The following KITLG variants were observed in gnomAD, a reference collection of about 807,000 sequenced individuals.
KITLG encodes the protein c-Kit ligand.
Under a neutral mutation model 34.1 loss-of-function variants are expected in KITLG, and 13 were observed. The observed-to-expected ratio is 0.38, with a 90% CI of 0.25 to 0.61. The LOEUF is 0.61. KITLG is among the 20% of genes least tolerant of loss of function. KITLG has a pLI of 0.60. For synonymous variants in KITLG, 110 were observed against 104.0 expected (o/e 1.06, Z -0.35); for missense variants, 292 against 318.9 (o/e 0.92, Z 0.64).
chr12:88,526,055 T>C (rs887570414), intron 3 of KITLG, among the ~76,000 whole-genome samples: 1 of 152,180 alleles, frequency 6.6e-6, no homozygotes, highest in African/African-American at 2.4e-5. Context: ...GAGGCAGTGA[T>C]GCATGTGGCT....
intron 1 of KITLG, among the ~76,000 whole-genome samples, chr12:88,557,745 A>C (rs985176568): frequency 9.9e-5 from 15 of 152,156 alleles, no homozygotes; most frequent in African/African-American, 3.6e-4. Context: ...AAGTATGGAA[A>C]CATAATTTTA....
Position 88,494,515 on chromosome 12 carries a change from T to G in KITLG, c.*2704A>C, listed in dbSNP as rs1261071410. Reference sequence around the variant, plus strand: ...ATACTTTTTAAGAGAATAGGCTACTTGTTCTATTATTGTATTGAAGAAAAA... The same window carrying G: ...ATACTTTTTAAGAGAATAGGCTACTGGTTCTATTATTGTATTGAAGAAAAA... On this transcript the variant is annotated 3_prime_UTR_variant, in exon 10 of 10. Transcript: ENST00000644744. 6.6e-6 allele frequency: 1 copy of G among 152,480 alleles called. No individual in the cohort carries two copies. The highest frequency in any genetic ancestry group is 1.5e-5 in the Non-Finnish European group (1 of 67,928). The allele number at this position is 152,480 out of a possible 1,614,324, so 9.4% of individuals were successfully genotyped here. A position where few individuals can be genotyped will look rare whatever the true frequency, so the allele number is the denominator to read the frequency against.
chr12:88,503,563 G>A (rs1868943717), intron 9 of KITLG, among the ~76,000 whole-genome samples: 1 of 152,194 alleles, frequency 6.6e-6, no homozygotes, highest in Non-Finnish European at 1.5e-5. Context: ...CCAATTAGCA[G>A]AAGCAAAAGT....
In KITLG at chr12:88,545,792, C is replaced by T; in HGVS notation, c.89G>A (p.Arg30Lys). ...NPLVKTEGIC[R>K]NRVTNNVKDV... is the part of the protein sequence containing the mutation. ...TTTTACATTATTAGTCACACGATTC[C>T]TGCAGATCCCTTCAGTTTTGACGAG... is the stretch of plus-strand genomic sequence containing the variant. Residue 30 changes from arginine (R) to lysine (K), a missense_variant, in exon 2 of 10, where the codon AGG becomes AAG. By Grantham distance (26) the Arg-to-Lys change is conservative. Coordinates refer to ENST00000644744, the MANE Select transcript of KITLG (RefSeq NM_000899.5). 6.2e-7 allele frequency: 1 copy of T among 1,611,368 alleles called. No individual in the cohort carries two copies. Among genetic ancestry groups the T allele is most frequent in the Non-Finnish European group, 8.5e-7 (1 of 1,177,620 alleles).
Position 88,507,092 on chromosome 12 carries a change from G to C in KITLG, c.650C>G (p.Ala217Gly), listed in dbSNP as rs776058708. The C allele has an allele frequency of 1.9e-6, 3 of 1,613,742 alleles. No homozygotes were observed. ...AGAAAACAATGCTGGCAATGCCATG[G>C]CTGCCCAGTGTAGGCTGGAGTCTCC... Reference protein sequence around the residue: ...PPGDSSLHWAAMALPALFSLI... With the variant: ...PPGDSSLHWAGMALPALFSLI... Residue 217 changes from alanine to glycine, a missense_variant, in exon 7 of 10, where the codon GCC becomes GGC. Ala to Gly is a moderately conservative substitution (Grantham distance 60). Around this residue, in one of 2 missense-constraint regions of KITLG, gnomAD observed 140 missense variants for 111.0 expected, o/e 1.26. Transcript: ENST00000644744.
intron 8 of KITLG, 90 bp from the exon 9 acceptor site, chr12:88,505,325 C>A: frequency 9.9e-7 from 1 of 1,007,772 alleles, no homozygotes; most frequent in South Asian, 1.3e-5. Context: ...GGCAGCTTTT[C>A]TGTAAATATA....
intron 2 of KITLG, among the ~76,000 whole-genome samples, chr12:88,533,393 A>T (rs1436175115): frequency 1.3e-5 from 2 of 152,182 alleles, no homozygotes; most frequent in Admixed American, 6.6e-5. Flanking sequence ...TGCCAAACAC[A>T]TTATAAACAC....
intron 2 of KITLG, among the ~76,000 whole-genome samples, 179 bp from the exon 3 acceptor site, chr12:88,532,682 T>A (rs1870143419): frequency 6.6e-6 from 1 of 152,104 alleles, no homozygotes; most frequent in Non-Finnish European, 1.5e-5. Context: ...TCAAAAGGCA[T>A]CCTTCAAAAT....
At chr12:88,540,922 A>C (rs1870497282) in intron 2 of KITLG, among the ~76,000 whole-genome samples, 1 of 152,158 alleles carries the variant, frequency 6.6e-6, no homozygotes, top group Non-Finnish European at 1.5e-5. Flanking sequence ...ACTATCTTTC[A>C]AACTATTATT....
intron 1 of KITLG, among the ~76,000 whole-genome samples, chr12:88,546,264 G>T (rs1347256389): frequency 6.6e-6 from 1 of 152,102 alleles, no homozygotes; most frequent in Non-Finnish European, 1.5e-5. Context: ...AGACTGCTTG[G>T]CAAGAAGCAG....
chr12:88,573,241 A>G (rs1191021667), intron 1 of KITLG, among the ~76,000 whole-genome samples: 1 of 152,174 alleles, frequency 6.6e-6, no homozygotes, highest in African/African-American at 2.4e-5. Flanking sequence ...GATATGGATA[A>G]CACATCCAGG....
Position 88,516,326 on chromosome 12 carries a change from T to G in KITLG, c.520+8A>C, listed in dbSNP as rs773753674. On this transcript the variant is annotated splice_region_variant and intron_variant, in intron 5 of 9. Coordinates refer to ENST00000644744, the MANE Select transcript of KITLG (RefSeq NM_000899.5). Reference sequence around the variant, plus strand: ...TACATTTGAACTGGAAATGCTTACATGTCTTACCTTTCTCAGGACTTAATG... The same window carrying G: ...TACATTTGAACTGGAAATGCTTACAGGTCTTACCTTTCTCAGGACTTAATG... 1.2e-6 allele frequency: 2 copies of G among 1,608,352 alleles called. No homozygotes were observed. The highest frequency in any genetic ancestry group is 1.7e-4 in the Middle Eastern group (1 of 5,912).
rs1441613683 is a variant in KITLG at position 88,495,927 on chromosome 12, T to C, written c.*1292A>G. On this transcript the variant is annotated 3_prime_UTR_variant, in exon 10 of 10. Coordinates refer to ENST00000644744, the MANE Select transcript of KITLG (RefSeq NM_000899.5). ...AAATTGGCAAGGGATATTCACATAA[T>C]GTCTTACAAGTTCTAGTTTAAAAGC... The C allele has an allele frequency of 6.6e-6, 1 of 152,210 alleles. No individual in the cohort carries two copies. The highest frequency in any genetic ancestry group is 1.9e-4 in the East Asian group (1 of 5,202). 9.4% of individuals were successfully genotyped at this position (152,210 alleles called of 1,614,324 possible). A position where few individuals can be genotyped will look rare whatever the true frequency, so the allele number is the denominator to read the frequency against.
Position 88,494,591 on chromosome 12 carries a change from A to G in KITLG, c.*2628T>C, listed in dbSNP as rs1027193615. On this transcript the variant is annotated 3_prime_UTR_variant, in exon 10 of 10. Transcript: ENST00000644744. ...TGTGGCAGTGTGGTAAGCACATTAA[A>G]TTACAATACAATATCCAGGAACACT... 6.6e-6 allele frequency: 1 copy of G among 152,464 alleles called. No individual in the cohort carries two copies. The highest frequency in any genetic ancestry group is 2.4e-5 in the African/African-American group (1 of 41,426). The allele number at this position is 152,464 out of a possible 1,614,324, so 9.4% of individuals were successfully genotyped here. A position where few individuals can be genotyped will look rare whatever the true frequency, so the allele number is the denominator to read the frequency against.
rs1433244173 is a variant in KITLG at position 88,505,287 on chromosome 12, G to A, written c.783-52C>T. On this transcript the variant is annotated intron_variant, in intron 8 of 9. Transcript: ENST00000644744. The stretch of plus-strand genomic sequence containing the variant: ...ATTTGCTCTTGGTCAGAGATTCTGA[G>A]GTACACCATGATCTCGGCATTGTAA... The A allele has an allele frequency of 3.6e-6, 5 of 1,401,398 alleles. No individual in the cohort carries two copies. In the South Asian group the frequency reaches 5.8e-5, roughly 16 times the overall value. 86.8% of individuals were successfully genotyped at this position (1,401,398 alleles called of 1,614,324 possible). A position where few individuals can be genotyped will look rare whatever the true frequency, so the allele number is the denominator to read the frequency against.
At chr12:88,530,682 T>C (rs1346446723) in intron 3 of KITLG, among the ~76,000 whole-genome samples, 1 of 152,176 alleles carries the variant, frequency 6.6e-6, no homozygotes, top group Non-Finnish European at 1.5e-5. Context: ...TTTCCATTTC[T>C]ATTTCCAGAG....
chr12:88,547,012 G>A (rs1021911228), intron 1 of KITLG, among the ~76,000 whole-genome samples: 13 of 152,184 alleles, frequency 8.5e-5, no homozygotes, highest in African/African-American at 3.1e-4. Flanking sequence ...GGACTTGCAA[G>A]GGCTGACAAA....
intron 1 of KITLG, among the ~76,000 whole-genome samples, chr12:88,555,170 G>A (rs1356786495): frequency 6.6e-6 from 1 of 152,102 alleles, no homozygotes; most frequent in East Asian, 1.9e-4. Context: ...AGATTTCAAG[G>A]TATTCAATGC....
intron 1 of KITLG, among the ~76,000 whole-genome samples, chr12:88,559,613 GA>G (rs1871230564): frequency 6.6e-6 from 1 of 152,122 alleles, no homozygotes; most frequent in South Asian, 2.1e-4. Context: ...AAAACAAGGG[GA>G]AAAAGCCCAG....
Sources: gnomAD v4.1 joint callset for allele counts (sites outside exome capture counted in the v4.1 genomes callset) on GRCh38, gnomAD v4.1.1 for gene constraint, gnomAD v4.1.1 regional missense constraint, MANE v1.5 for transcripts, NCBI Gene and HGNC (gene_info 2026-07-23, HGNC 2026-07-21) for gene names.